Variants in ZBTB20 observed in about 807,000 individuals in gnomAD.
ZBTB20 encodes zinc finger and BTB domain-containing protein 20.
In ZBTB20, 9 loss-of-function variants were observed where a neutral mutation model predicts 56.9. That is an observed-to-expected ratio of 0.16 (90% CI 0.10 to 0.28). The LOEUF is 0.28. Ranked by LOEUF, ZBTB20 falls within the 10% of genes least tolerant of loss-of-function variation. The probability of loss-of-function intolerance (pLI) is 1.00; values close to 1 mark genes in which losing one functional copy is unlikely to be tolerated. For synonymous variants in ZBTB20, 417 were observed against 420.7 expected (o/e 0.99, Z 0.11); for missense variants, 655 against 1,003.0 (o/e 0.65, Z 4.69).
At chr3:114,497,559 C>A (rs1480328970) in intron 7 of ZBTB20, among the ~76,000 whole-genome samples, 1 of 152,162 alleles carries the variant, frequency 6.6e-6, no homozygotes, top group South Asian at 2.1e-4. Flanking sequence ...TGGTAAACTG[C>A]AATTTACTCT....
In ZBTB20 at chr3:115,132,457, TCAG is replaced by T. The variant is rs771255846; in HGVS notation, c.-703+14759_-703+14761del. Among the ~76,000 whole-genome samples, 30 of 152,352 alleles carry T rather than the reference TCAG, an allele frequency of 2.0e-4. 2 individuals are homozygous for T. The highest frequency in any genetic ancestry group is 1.8e-3 in the Admixed American group (27 of 15,310). ...TCTATAATTTTTAGACCATATATCA[TCAG>T]CAAGAGACACCTGACATTCTTCTCT... On this transcript the variant is annotated intron_variant, in intron 1 of 11. Transcript: ENST00000675478.
chr3:114,894,793 G>C (rs1385096872), intron 4 of ZBTB20, among the ~76,000 whole-genome samples: 3 of 152,140 alleles, frequency 2.0e-5, no homozygotes, highest in Non-Finnish European at 4.4e-5. Context: ...TGAACTGTGA[G>C]AAAACAAATG....
intron 1 of ZBTB20, among the ~76,000 whole-genome samples, chr3:115,075,994 T>C (rs1024392083): frequency 6.6e-6 from 1 of 151,816 alleles, no homozygotes; most frequent in Non-Finnish European, 1.5e-5. Context: ...AGGAACCATC[T>C]GAAAAAAAAT....
intron 4 of ZBTB20, among the ~76,000 whole-genome samples, chr3:114,852,723 G>A (rs536777893): frequency 6.6e-6 from 1 of 152,248 alleles, no homozygotes; most frequent in East Asian, 1.9e-4. Context: ...GCTTTGCTTA[G>A]CTGATAGCTA....
intron 4 of ZBTB20, among the ~76,000 whole-genome samples, chr3:114,850,598 C>T (rs754654632): frequency 6.6e-6 from 1 of 152,204 alleles, no homozygotes; most frequent in African/African-American, 2.4e-5. Context: ...GGTTAAGTAA[C>T]TTACCCAAGG....
chr3:114,425,839 T>C (rs1056564026), intron 7 of ZBTB20, among the ~76,000 whole-genome samples: 5 of 152,248 alleles, frequency 3.3e-5, no homozygotes, highest in African/African-American at 1.2e-4. Flanking sequence ...TAAATCATTC[T>C]GCTATACAAA....
At chr3:114,792,680 T>A (rs1421486659) in intron 5 of ZBTB20, among the ~76,000 whole-genome samples, 2 of 152,048 alleles carry the variant, frequency 1.3e-5, no homozygotes, top group Admixed American at 1.3e-4. Context: ...GCTCCTAAAG[T>A]TGGCACACAT....
intron 6 of ZBTB20, among the ~76,000 whole-genome samples, chr3:114,603,008 C>T (rs916432677): frequency 6.6e-6 from 1 of 151,924 alleles, no homozygotes; most frequent in Non-Finnish European, 1.5e-5. Context: ...ATATTCTATG[C>T]ACTATTTAAT....
chr3:114,823,450 C>T (rs1440839385), intron 4 of ZBTB20, among the ~76,000 whole-genome samples: 1 of 150,794 alleles, frequency 6.6e-6, no homozygotes, highest in African/African-American at 2.5e-5. Context: ...AAAGAAAGGA[C>T]TTATAAGAAT....
intron 7 of ZBTB20, among the ~76,000 whole-genome samples, chr3:114,421,816 T>C (rs2089200999): frequency 6.6e-6 from 1 of 151,804 alleles, no homozygotes; most frequent in Admixed American, 6.6e-5. Flanking sequence ...GATTTTTTTT[T>C]TTTTTAACTC....
At chr3:114,416,568 G>A (rs1218689828) in intron 7 of ZBTB20, among the ~76,000 whole-genome samples, 1 of 152,024 alleles carries the variant, frequency 6.6e-6, no homozygotes, top group Non-Finnish European at 1.5e-5. Context: ...ATCGCAGAGT[G>A]CTGACAGAGC....
chr3:114,919,666 C>T (rs894827481), intron 3 of ZBTB20, among the ~76,000 whole-genome samples: 10 of 151,468 alleles, frequency 6.6e-5, no homozygotes, highest in Non-Finnish European at 1.5e-4. Flanking sequence ...GATTGTACCA[C>T]TGCACTCTAG....
At chr3:114,879,529 A>T (rs1047570371) in intron 4 of ZBTB20, among the ~76,000 whole-genome samples, 4 of 152,200 alleles carry the variant, frequency 2.6e-5, no homozygotes, top group Non-Finnish European at 5.9e-5. Context: ...TAAATTGCAG[A>T]GAACCTGACC....
rs1030309131 is a variant in ZBTB20, at chr3:114,331,991, T to G, written c.*7014A>C. 2.7e-5 allele frequency: 4 copies of G among 150,882 alleles called. No homozygotes were observed. The highest frequency in any genetic ancestry group is 9.7e-5 in the African/African-American group (4 of 41,046). The allele number at this position is 150,882 out of a possible 1,614,324, so 9.3% of individuals were successfully genotyped here. ...CTCTTTCATTATTAGAATCTACATA[T>G]AAATTGCAATGAGTTTGCTGGGTAA... is the stretch of plus-strand genomic sequence containing the variant. On this transcript the variant is annotated 3_prime_UTR_variant, in exon 12 of 12. Transcript: ENST00000675478.
chr3:114,929,882 A>G (rs889547451), intron 3 of ZBTB20, among the ~76,000 whole-genome samples: 3 of 152,254 alleles, frequency 2.0e-5, no homozygotes, highest in Non-Finnish European at 4.4e-5. Context: ...AAGAGCTTCC[A>G]AGTTTAATTT....
At chr3:114,537,663 T>C (rs1269105439) in intron 6 of ZBTB20, among the ~76,000 whole-genome samples, 1 of 152,092 alleles carries the variant, frequency 6.6e-6, no homozygotes, top group Middle Eastern at 3.2e-3. Context: ...TAGAAATCAT[T>C]CTACTATAAA....
chr3:115,097,336 G>GCC lies in ZBTB20; in HGVS notation c.-702-25924_-702-25923dup, dbSNP rs2083416484. Among the ~76,000 whole-genome samples, 4 of 151,852 alleles carry GCC rather than the reference G, an allele frequency of 2.6e-5. No homozygotes were observed. In the South Asian group the frequency reaches 8.3e-4, roughly 32 times the overall value. Reference sequence around the variant, plus strand: ...TGGGACTACAGGCATGCACCACCACGCCCAGGTAGTTTTTGTATTTTTTTT... The same window carrying GCC: ...TGGGACTACAGGCATGCACCACCACGCCCCCAGGTAGTTTTTGTATTTTTTTT... On this transcript the variant is annotated intron_variant, in intron 1 of 11. Coordinates refer to ENST00000675478, the MANE Select transcript of ZBTB20 (RefSeq NM_001348800.3).
chr3:115,137,208 C>T (rs1002882491), intron 1 of ZBTB20, among the ~76,000 whole-genome samples: 2 of 151,996 alleles, frequency 1.3e-5, no homozygotes, highest in African/African-American at 4.8e-5. Flanking sequence ...ATAGCAATTT[C>T]ATTATTCTTT....
At chr3:114,989,940 G>A (rs926124680) in intron 2 of ZBTB20, among the ~76,000 whole-genome samples, 1 of 152,122 alleles carries the variant, frequency 6.6e-6, no homozygotes, top group Non-Finnish European at 1.5e-5. Context: ...CGTGATTTTT[G>A]CACATTGATT....
Sources: allele counts gnomAD v4.1 joint callset (sites outside exome capture counted in the v4.1 genomes callset), GRCh38; gene constraint gnomAD v4.1.1; transcripts MANE v1.5; gene names NCBI Gene and HGNC (gene_info 2026-07-23, HGNC 2026-07-21).